HMCES: variants seen among roughly 807,000 people sequenced by gnomAD.
The protein encoded by HMCES is abasic site processing protein HMCES.
In HMCES, 27 loss-of-function variants were observed where a neutral mutation model predicts 35.1. That is an observed-to-expected ratio of 0.77 (90% CI 0.57 to 1.06). HMCES has a LOEUF of 1.06. Among genes scored for constraint, HMCES ranks in the 50% least tolerant of loss-of-function variants. HMCES has a pLI of 0.00. For missense variants in HMCES, 391 were observed against 430.4 expected (o/e 0.91, Z 0.81); for synonymous variants, 130 against 154.7 (o/e 0.84, Z 1.18).
intron 2 of HMCES, among the ~76,000 whole-genome samples, chr3:129,280,849 GTAA>G (rs1940457200): frequency 6.6e-6 from 1 of 152,170 alleles, no homozygotes; most frequent in African/African-American, 2.4e-5. Flanking sequence ...GTATGTGTGT[GTAA>G]TAAAAATGCT....
Position 129,301,945 on chromosome 3 carries a change from G to A in HMCES, c.636-5G>A. The stretch of plus-strand genomic sequence containing the variant: ...CCCAACCATTGTCTTAACTTCCCTG[G>A]CCAGGATGCCTGCCATATTAGATGG... On this transcript the variant is annotated splice_polypyrimidine_tract_variant and splice_region_variant and intron_variant, in intron 5 of 6. Transcript: ENST00000383463. 1 of 1,610,158 alleles carries A rather than the reference G, an allele frequency of 6.2e-7. No individual in the cohort carries two copies. The highest frequency in any genetic ancestry group is 1.1e-5 in the South Asian group (1 of 90,506).
At position 129,303,734 on chromosome 3, in the gene HMCES, C is replaced by CT. The variant is rs901016081; in HGVS notation, c.829-844dup. ...AGACGCTGCCCATTTCTGCCATGGT[C>CT]TTTTTTTTTTTCCTTTTTCTTTTTT... On this transcript the variant is annotated intron_variant, in intron 6 of 6. Transcript: ENST00000383463. Among the ~76,000 whole-genome samples the CT allele has an allele frequency of 9.8e-3, 1,423 of 145,142 alleles. 21 individuals carry two copies. Among genetic ancestry groups the CT allele is most frequent in the African/African-American group, 0.033 (1,330 of 39,702 alleles).
rs1253237654 is a variant in HMCES, at chr3:129,304,688, G to C, written c.928G>C (p.Asp310His). 1.9e-6 allele frequency: 3 copies of C among 1,614,202 alleles called. No individual in the cohort carries two copies. The highest frequency in any genetic ancestry group is 3.3e-5 in the Admixed American group (2 of 60,028). The change falls in exon 7 of 7, where the codon GAT becomes CAT. Residue 310 changes from aspartate to histidine, a missense_variant. Physicochemically the swap from Asp to His is moderately conservative, Grantham distance 81. Transcript: ENST00000383463. ...AAAAACACCTCAAAAGGAAGAGTCA[G>C]ATGTTCCCCAGTGGTCCAGTCAGTT... ...DSKTPQKEESDVPQWSSQFLQ... is the reference protein window; with the variant it reads ...DSKTPQKEESHVPQWSSQFLQ...
chr3:129,300,663 G>A (rs1313746128), intron 5 of HMCES, among the ~76,000 whole-genome samples: 1 of 152,038 alleles, frequency 6.6e-6, no homozygotes, highest in East Asian at 1.9e-4. Flanking sequence ...TTGGGACGCC[G>A]AGGTGGGTGG....
chr3:129,303,571 G>A (rs921397777), intron 6 of HMCES, among the ~76,000 whole-genome samples: 10 of 152,064 alleles, frequency 6.6e-5, no homozygotes, highest in Non-Finnish European at 2.9e-5. Context: ...CTTCCTAGCC[G>A]AATATCCTAA....
chr3:129,294,616 A>G (rs938997807), intron 4 of HMCES, among the ~76,000 whole-genome samples: 2 of 152,180 alleles, frequency 1.3e-5, no homozygotes, highest in Admixed American at 6.5e-5. Flanking sequence ...TAAACTTACA[A>G]TACATTGCTA....
At chr3:129,282,443 A>G (rs542640750) in intron 2 of HMCES, among the ~76,000 whole-genome samples, 5 of 152,362 alleles carry the variant, frequency 3.3e-5, no homozygotes, top group East Asian at 1.9e-4. Context: ...AGTGAGGGAC[A>G]GAACTAGAAC....
At chr3:129,303,063 T>TTG (rs2071189832) in intron 6 of HMCES, among the ~76,000 whole-genome samples, 1 of 152,104 alleles carries the variant, frequency 6.6e-6, no homozygotes, top group African/African-American at 2.4e-5. Context: ...TCAGGAGGAT[T>TTG]TGAGAGCATT....
chr3:129,288,990 C>A lies in HMCES; in HGVS notation c.320C>A (p.Ser107Ter). ...AGTGATACCGTAATGGAGAAACGGT[C>A]ATTTAAGGTAGGTGGCTGGTAGCTA... is the stretch of plus-strand genomic sequence containing the variant. ...CRSDTVMEKR[S>*]FKVPLGKGRR... Residue 107 changes from serine to a stop codon, truncating the protein, a stop_gained, in exon 3 of 7, where the codon TCA becomes TAA. Transcript: ENST00000383463. LOFTEE classifies it high-confidence loss of function. The A allele has an allele frequency of 6.4e-7, 1 of 1,558,714 alleles. No homozygotes were observed. Among genetic ancestry groups the A allele is most frequent in the South Asian group, 1.2e-5 (1 of 85,962 alleles).
intron 4 of HMCES, among the ~76,000 whole-genome samples, chr3:129,296,019 C>G (rs1216522670): frequency 3.9e-5 from 6 of 151,930 alleles, no homozygotes; most frequent in Non-Finnish European, 1.5e-5. Context: ...ATTTTTCTTT[C>G]TTTTTTTCTT....
intron 2 of HMCES, among the ~76,000 whole-genome samples, chr3:129,282,295 C>CAAAAAAAAA (rs201242976): frequency 3.3e-5 from 3 of 91,058 alleles, no homozygotes; most frequent in African/African-American, 7.0e-5. Context: ...CTGTTTTTAA[C>CAAAAAAAAA]AAAAAAAAAA....
At chr3:129,285,490 T>C (rs1222712670) in intron 2 of HMCES, among the ~76,000 whole-genome samples, 2 of 152,026 alleles carry the variant, frequency 1.3e-5, no homozygotes, top group African/African-American at 4.8e-5. Context: ...CTTGCTCTGT[T>C]GCCCAGGCTG....
chr3:129,281,843 TAA>T (rs1358483099), intron 2 of HMCES, among the ~76,000 whole-genome samples: 1 of 103,062 alleles, frequency 9.7e-6, no homozygotes, highest in African/African-American at 3.8e-5. Flanking sequence ...GTCTGTACTA[TAA>T]AAAAAAAAAA....
intron 4 of HMCES, among the ~76,000 whole-genome samples, chr3:129,296,591 T>A (rs2071095654): frequency 6.6e-6 from 1 of 152,158 alleles, no homozygotes; most frequent in Non-Finnish European, 1.5e-5. Flanking sequence ...GCTTTTTTTG[T>A]GTGTCTTGTA....
intron 4 of HMCES, among the ~76,000 whole-genome samples, chr3:129,296,224 ATTT>A (rs1359621046): frequency 1.3e-5 from 2 of 151,708 alleles, no homozygotes; most frequent in African/African-American, 4.8e-5. Context: ...TGCCCAGCTA[ATTT>A]TTTTTGTATT....
intron 2 of HMCES, among the ~76,000 whole-genome samples, chr3:129,281,199 C>A (rs1383962809): frequency 1.3e-5 from 2 of 151,142 alleles, no homozygotes; most frequent in Non-Finnish European, 1.5e-5. Flanking sequence ...TCCAGCCTGG[C>A]GGCAGAGCGA....
At position 129,282,307 on chromosome 3, in the gene HMCES, A is replaced by C. The variant is rs538856535; in HGVS notation, c.183+2392A>C. On this transcript the variant is annotated intron_variant, in intron 2 of 6. Transcript: ENST00000383463. Reference sequence around the variant, plus strand: ...ACCCTGTTTTTAACAAAAAAAAAAAAAAAAAGCCTTAGTCATTTATATGAC... The same window carrying C: ...ACCCTGTTTTTAACAAAAAAAAAAACAAAAAGCCTTAGTCATTTATATGAC... Among the ~76,000 whole-genome samples the C allele has an allele frequency of 1.8e-3, 279 of 152,216 alleles. 3 individuals are homozygous for C. The highest frequency in any genetic ancestry group is 6.4e-3 in the African/African-American group (264 of 41,522).
At position 129,305,241 on chromosome 3, in the gene HMCES, AAAAAT is replaced by A. The variant is rs139885837; in HGVS notation, c.*419_*423del. 0.026 allele frequency: 4,057 copies of A among 158,576 alleles called. 160 individuals carry two copies. Among genetic ancestry groups the A allele is most frequent in the African/African-American group, 0.088 (3,677 of 41,758 alleles). The allele number at this position is 158,576 out of a possible 1,614,324, so 9.8% of individuals were successfully genotyped here. ...TTATTTTTAAGTTCTAAAATAAAAT[AAAAAT>A]AAGTTCTTAAAATTTATTTTTTTCC... On this transcript the variant is annotated 3_prime_UTR_variant, in exon 7 of 7. Transcript: ENST00000383463.
chr3:129,280,363 T>G (rs930187153), intron 2 of HMCES, among the ~76,000 whole-genome samples: 1 of 151,872 alleles, frequency 6.6e-6, no homozygotes, highest in African/African-American at 2.4e-5. Flanking sequence ...CTGGGCAACA[T>G]AGGGAGACCC....
Sources: allele counts gnomAD v4.1 joint callset (sites outside exome capture counted in the v4.1 genomes callset), GRCh38; gene constraint gnomAD v4.1.1; transcripts MANE v1.5; gene names NCBI Gene and HGNC (gene_info 2026-07-23, HGNC 2026-07-21).